The following SHLD1 variants were observed in gnomAD, a reference collection of about 807,000 sequenced individuals.
SHLD1 encodes RINN1-REV7-interacting novel NHEJ regulator 3.
A neutral mutation model predicts 5.5 loss-of-function variants in SHLD1; 3 were observed. That is an observed-to-expected ratio of 0.54 (90% CI 0.25 to 1.40). SHLD1 has a LOEUF of 1.40. SHLD1 is among the 40% of genes most tolerant of loss of function. The pLI is 0.15. For synonymous variants in SHLD1, 92 were observed against 94.3 expected, an observed-to-expected ratio of 0.98 and a Z score of 0.14; for missense variants, 210 against 244.4, an observed-to-expected ratio of 0.86 and a Z score of 0.94.
Position 5,863,648 on chromosome 20 carries a change from C to T in SHLD1, c.*185C>T. 1 of 593,708 alleles carries T rather than the reference C, an allele frequency of 1.7e-6. No homozygotes were observed. Among genetic ancestry groups the T allele is most frequent in the South Asian group, 2.5e-5 (1 of 39,458 alleles). 36.8% of individuals were successfully genotyped at this position (593,708 alleles called of 1,614,324 possible). ...GAGCCAGTCAGCCCATATGGAGAGC[C>T]AGCAGGGTCTGGGAGTTCTCCGTCC... On this transcript the variant is annotated 3_prime_UTR_variant, in exon 3 of 3. Transcript: ENST00000303142.
In SHLD1 at chr20:5,758,506, C is replaced by T. The variant is rs188756512; in HGVS notation, c.-5+8027C>T. Among the ~76,000 whole-genome samples the T allele has an allele frequency of 8.7e-3, 1,313 of 151,612 alleles. 13 individuals carry two copies. The highest frequency in any genetic ancestry group is 0.03 in the African/African-American group (1,226 of 41,298). The stretch of plus-strand genomic sequence containing the variant: ...CGATCTCAGCTCACTGCAACCTCCA[C>T]CCCCTGAGTTCAAGTGATTCTCCTG... On this transcript the variant is annotated intron_variant, in intron 1 of 2. Transcript: ENST00000303142.
chr20:5,826,772 A>G lies in SHLD1; in HGVS notation c.179-36252A>G, dbSNP rs570457943. On this transcript the variant is annotated intron_variant, in intron 2 of 2. Transcript: ENST00000303142. ...CTGTGCCTCAGTTTCCTCATCTGTTAAATACGATGCCTCATACAGAATCTG... is the reference window on the plus strand; with the variant it reads ...CTGTGCCTCAGTTTCCTCATCTGTTGAATACGATGCCTCATACAGAATCTG... Among the ~76,000 whole-genome samples the G allele has an allele frequency of 6.6e-5, 10 of 152,274 alleles. No homozygotes were observed. The East Asian group carries it at 1.9e-3, about 29-fold the overall frequency.
At chr20:5,836,266 T>C (rs1289209633) in intron 2 of SHLD1, among the ~76,000 whole-genome samples, 2 of 152,242 alleles carry the variant, frequency 1.3e-5, no homozygotes, top group Non-Finnish European at 1.5e-5. Flanking sequence ...GAGTAGATAA[T>C]TGCACAAAAC....
chr20:5,833,370 A>C (rs900157169), intron 2 of SHLD1, among the ~76,000 whole-genome samples: 1 of 152,210 alleles, frequency 6.6e-6, no homozygotes, highest in Non-Finnish European at 1.5e-5. Flanking sequence ...TGTTGAAATA[A>C]TACTCATTTA....
At chr20:5,850,112 CAATAAT>C (rs113975793) in intron 2 of SHLD1, among the ~76,000 whole-genome samples, 4,834 of 130,214 alleles carry the variant, frequency 0.037, 208 homozygotes, top group East Asian at 0.15. Context: ...GACCCCGTCT[CAATAAT>C]AATAATAATA....
Position 5,756,278 on chromosome 20 carries a change from C to T in SHLD1, c.-5+5799C>T, listed in dbSNP as rs575205596. 2.0e-5 allele frequency among the ~76,000 whole-genome samples: 3 copies of T among 151,736 alleles called. No individual in the cohort carries two copies. In the East Asian group the frequency reaches 5.8e-4, roughly 29 times the overall value. On this transcript the variant is annotated intron_variant, in intron 1 of 2. Transcript: ENST00000303142. ...TCAGCCTGGGCAATATAGTGAGACC[C>T]CCATCTTTACAAAAAAAAAAAATTT...
At chr20:5,801,234 G>T (rs555845872) in intron 2 of SHLD1, among the ~76,000 whole-genome samples, 1 of 152,084 alleles carries the variant, frequency 6.6e-6, no homozygotes, top group East Asian at 1.9e-4. Context: ...TGTGCCACCA[G>T]GCCAGCTAAT....
At chr20:5,848,919 G>C (rs1345073326) in intron 2 of SHLD1, among the ~76,000 whole-genome samples, 1 of 152,184 alleles carries the variant, frequency 6.6e-6, no homozygotes, top group Non-Finnish European at 1.5e-5. Context: ...GATTCATCCA[G>C]TTTGAACTTT....
At chr20:5,770,577 C>T (rs1985100408) in intron 1 of SHLD1, among the ~76,000 whole-genome samples, 1 of 152,194 alleles carries the variant, frequency 6.6e-6, no homozygotes, top group African/African-American at 2.4e-5. Flanking sequence ...CTATCAATTT[C>T]AGGCAAGCCT....
chr20:5,808,750 C>G (rs2122365492), intron 2 of SHLD1, among the ~76,000 whole-genome samples: 1 of 152,264 alleles, frequency 6.6e-6, no homozygotes, highest in Admixed American at 6.5e-5. Context: ...AACTTGGTAA[C>G]TATATTGTTG....
At chr20:5,812,263 G>C (rs1473671398) in intron 2 of SHLD1, among the ~76,000 whole-genome samples, 2 of 151,998 alleles carry the variant, frequency 1.3e-5, no homozygotes, top group Non-Finnish European at 2.9e-5. Context: ...GTAGTCCCTA[G>C]TGTTTTTTTC....
chr20:5,826,675 G>A (rs1020564659), intron 2 of SHLD1, among the ~76,000 whole-genome samples: 2 of 152,054 alleles, frequency 1.3e-5, no homozygotes, highest in African/African-American at 2.4e-5. Flanking sequence ...CTCTGGTACC[G>A]GACTCTCCTG....
At chr20:5,814,428 G>A (rs927474990) in intron 2 of SHLD1, among the ~76,000 whole-genome samples, 1 of 151,994 alleles carries the variant, frequency 6.6e-6, no homozygotes, top group Non-Finnish European at 1.5e-5. Context: ...ACTCAGTGGT[G>A]GCTTATTTAG....
chr20:5,755,928 A>G (rs1042996505), intron 1 of SHLD1, among the ~76,000 whole-genome samples: 1 of 152,144 alleles, frequency 6.6e-6, no homozygotes, highest in Non-Finnish European at 1.5e-5. Flanking sequence ...TCAAACTATG[A>G]CAAAGAAAAT....
chr20:5,827,066 G>A (rs2087674678), intron 2 of SHLD1, among the ~76,000 whole-genome samples: 1 of 152,122 alleles, frequency 6.6e-6, no homozygotes, highest in Admixed American at 6.5e-5. Flanking sequence ...GAGAAGAGAT[G>A]AAACAGTCCA....
chr20:5,859,361 T>C (rs893282592), intron 2 of SHLD1, among the ~76,000 whole-genome samples: 1 of 152,180 alleles, frequency 6.6e-6, no homozygotes, highest in Non-Finnish European at 1.5e-5. Flanking sequence ...AATGTTTACA[T>C]CCTTGACCCC....
At chr20:5,805,669 C>T (rs142390836) in intron 2 of SHLD1, among the ~76,000 whole-genome samples, 52 of 152,150 alleles carry the variant, frequency 3.4e-4, no homozygotes, top group African/African-American at 1.1e-3. Context: ...GGCGCAATCT[C>T]GGCTCACTGC....
chr20:5,834,580 A>G (rs2087767982), intron 2 of SHLD1, among the ~76,000 whole-genome samples: 1 of 152,300 alleles, frequency 6.6e-6, no homozygotes, highest in East Asian at 1.9e-4. Context: ...AGTATTAATC[A>G]AGCTTAGTAG....
intron 2 of SHLD1, among the ~76,000 whole-genome samples, chr20:5,784,692 C>T (rs543781071): frequency 6.6e-5 from 10 of 152,208 alleles, no homozygotes; most frequent in Admixed American, 2.6e-4. Flanking sequence ...CCTTGTGATC[C>T]GCCCGCCTCA....
Sources: allele counts gnomAD v4.1 joint callset (sites outside exome capture counted in the v4.1 genomes callset), GRCh38; gene constraint gnomAD v4.1.1; transcripts MANE v1.5; gene names NCBI Gene and HGNC (gene_info 2026-07-23, HGNC 2026-07-21).